The following HNRNPD variants were observed in gnomAD, a reference collection of about 807,000 sequenced individuals.
HNRNPD encodes heterogeneous nuclear ribonucleoprotein D.
In HNRNPD, 3 loss-of-function variants were observed where a neutral mutation model predicts 47.9. The ratio of observed to expected loss-of-function variants is 0.06; its 90% CI spans 0.03 to 0.16. The LOEUF (loss-of-function observed/expected upper bound fraction) is 0.16, where lower values mean the gene tolerates loss of function less well. HNRNPD is among the 10% of genes least tolerant of loss of function. HNRNPD has a pLI of 1.00. For missense variants in HNRNPD, 287 were observed against 454.2 expected (o/e 0.63, Z 3.35); for synonymous variants, 171 against 165.1 (o/e 1.04, Z -0.28).
intron 2 of HNRNPD, among the ~76,000 whole-genome samples, chr4:82,369,277 T>A (rs1175883225): frequency 6.6e-6 from 1 of 152,110 alleles, no homozygotes; most frequent in Non-Finnish European, 1.5e-5. Context: ...TGCTTATAAG[T>A]AAAAACTACG....
chr4:82,362,635 C>T (rs975934132), intron 2 of HNRNPD, among the ~76,000 whole-genome samples: 3 of 152,202 alleles, frequency 2.0e-5, no homozygotes, highest in African/African-American at 7.2e-5. Context: ...GACAGTCTCA[C>T]TCTGTCGCCC....
chr4:82,357,506 C>A, intron 4 of HNRNPD, 62 bp from the exon 5 acceptor site: 1 of 1,441,768 alleles, frequency 6.9e-7, no homozygotes, highest in Non-Finnish European at 9.4e-7. Flanking sequence ...AAAAGAAACA[C>A]AAGTTTAGAG....
intron 4 of HNRNPD, 41 bp from the exon 5 acceptor site, chr4:82,357,485 T>C: frequency 6.5e-7 from 1 of 1,545,722 alleles, no homozygotes; most frequent in African/African-American, 1.4e-5. Context: ...AACATGCATT[T>C]TATTGACCTT....
At chr4:82,365,309 A>G (rs1304835571) in intron 2 of HNRNPD, among the ~76,000 whole-genome samples, 1 of 152,250 alleles carries the variant, frequency 6.6e-6, no homozygotes, top group African/African-American at 2.4e-5. Flanking sequence ...TAAAACATAA[A>G]TGACCAATCA....
At chr4:82,359,841 A>G (rs1387368752) in intron 2 of HNRNPD, among the ~76,000 whole-genome samples, 1 of 152,206 alleles carries the variant, frequency 6.6e-6, no homozygotes, top group Admixed American at 6.5e-5. Context: ...ATTACAAAAT[A>G]GTGAGCAAGC....
intron 2 of HNRNPD, among the ~76,000 whole-genome samples, chr4:82,360,146 G>A (rs1204725497): frequency 6.6e-6 from 1 of 152,000 alleles, no homozygotes; most frequent in Non-Finnish European, 1.5e-5. Flanking sequence ...ATTAAGTTGT[G>A]AGCCAATTTT....
intron 1 of HNRNPD, among the ~76,000 whole-genome samples, chr4:82,371,916 TGCTTCCCTTC>T (rs1720064500): frequency 6.6e-6 from 1 of 152,178 alleles, no homozygotes; most frequent in African/African-American, 2.4e-5. Context: ...TTTAAAAGTT[TGCTTCCCTTC>T]CCACCACCAC....
intron 2 of HNRNPD, among the ~76,000 whole-genome samples, chr4:82,360,696 A>C (rs1292308536): frequency 6.6e-6 from 1 of 152,126 alleles, no homozygotes; most frequent in Non-Finnish European, 1.5e-5. Context: ...ACACTAACTC[A>C]GCTCTATAAA....
intron 2 of HNRNPD, among the ~76,000 whole-genome samples, chr4:82,363,331 G>A (rs28407570): frequency 0.1 from 15,818 of 151,606 alleles, 2,034 homozygotes; most frequent in African/African-American, 0.31. Flanking sequence ...CACCTGCCTC[G>A]GCCTCCCAAA....
At chr4:82,360,328 T>C (rs1723908714) in intron 2 of HNRNPD, among the ~76,000 whole-genome samples, 1 of 151,692 alleles carries the variant, frequency 6.6e-6, no homozygotes, top group South Asian at 2.1e-4. Context: ...AAGTGATGGG[T>C]GGTAAGCGGA....
chr4:82,354,209 C>CA (rs947398541), intron 8 of HNRNPD, 55 bp from the exon 9 acceptor site: 1 of 152,202 alleles, frequency 6.6e-6, no homozygotes. Flanking sequence ...CAACACTTAA[C>CA]AAAAATTTAC....
Position 82,373,798 on chromosome 4 carries a change from G to T in HNRNPD, c.-120C>A. On this transcript the variant is annotated 5_prime_UTR_variant, in exon 1 of 9. Coordinates refer to ENST00000313899, the MANE Select transcript of HNRNPD (RefSeq NM_031370.3). Reference sequence around the variant, plus strand: ...CCGCTCTACCTCGCGAAGCACACAAGACAGGGAAGGCGCGCGCGTGGCTGC... The same window carrying T: ...CCGCTCTACCTCGCGAAGCACACAATACAGGGAAGGCGCGCGCGTGGCTGC... The T allele has an allele frequency of 6.6e-7, 1 of 1,509,058 alleles. No individual in the cohort carries two copies. The highest frequency in any genetic ancestry group is 1.2e-5 in the South Asian group (1 of 82,746). The allele number at this position is 1,509,058 out of a possible 1,614,324, so 93.5% of individuals were successfully genotyped here.
chr4:82,352,815 A>T lies in HNRNPD; in HGVS notation c.*1370T>A, dbSNP rs2109985678. 1 of 152,324 alleles carries T rather than the reference A, an allele frequency of 6.6e-6. No homozygotes were observed. The highest frequency in any genetic ancestry group is 1.5e-5 in the Non-Finnish European group (1 of 68,034). 9.4% of individuals were successfully genotyped at this position (152,324 alleles called of 1,614,324 possible). A position where few individuals can be genotyped will look rare whatever the true frequency, so the allele number is the denominator to read the frequency against. ...ATCATAAAAAAACTTTAATAACACT[A>T]ACTTTTGCTCATTAAAATGTTTGCT... On this transcript the variant is annotated 3_prime_UTR_variant, in exon 9 of 9. Coordinates refer to ENST00000313899, the MANE Select transcript of HNRNPD (RefSeq NM_031370.3).
At chr4:82,354,458 A>T (rs1390657624) in intron 8 of HNRNPD, 1 of 152,674 alleles carries the variant, frequency 6.5e-6, no homozygotes, top group Non-Finnish European at 1.5e-5. Context: ...ATTTTGACCC[A>T]AGAGCATCTA....
At chr4:82,362,655 C>G (rs1374816536) in intron 2 of HNRNPD, among the ~76,000 whole-genome samples, 1 of 151,864 alleles carries the variant, frequency 6.6e-6, no homozygotes, top group Non-Finnish European at 1.5e-5. Flanking sequence ...CAAGCTGGAG[C>G]GCAGTGGCAC....
rs376836963 is a variant in HNRNPD at position 82,373,427 on chromosome 4, T to G, written c.233+19A>C. 3.2e-6 allele frequency: 5 copies of G among 1,570,002 alleles called. No homozygotes were observed. The East Asian group carries it at 6.9e-5, about 22-fold the overall frequency. ...GGGGACTAGTTGGGCCTGACTATCC[T>G]GGGATGCCCCTTACTCACCCTTCAT... On this transcript the variant is annotated intron_variant, in intron 1 of 8. Coordinates refer to ENST00000313899, the MANE Select transcript of HNRNPD (RefSeq NM_031370.3).
At chr4:82,372,931 C>T (rs1436141606) in intron 1 of HNRNPD, among the ~76,000 whole-genome samples, 1 of 152,194 alleles carries the variant, frequency 6.6e-6, no homozygotes, top group Non-Finnish European at 1.5e-5. Flanking sequence ...AAGGGAGAGG[C>T]AGAGGTGGAC....
At chr4:82,360,883 C>T (rs1170975328) in intron 2 of HNRNPD, among the ~76,000 whole-genome samples, 1 of 152,072 alleles carries the variant, frequency 6.6e-6, no homozygotes, top group East Asian at 1.9e-4. Context: ...TATCCTACCA[C>T]AGTCTTGTTT....
chr4:82,356,716 A>G (rs375485949), intron 6 of HNRNPD, 33 bp from the exon 7 acceptor site: 10 of 1,613,524 alleles, frequency 6.2e-6, no homozygotes, highest in Non-Finnish European at 6.8e-6. Flanking sequence ...CTAAAGTCAG[A>G]AGATCAGCAA....
Sources: allele counts gnomAD v4.1 joint callset (sites outside exome capture counted in the v4.1 genomes callset), GRCh38; gene constraint gnomAD v4.1.1; transcripts MANE v1.5; gene names NCBI Gene and HGNC (gene_info 2026-07-23, HGNC 2026-07-21).